Variants in MAP3K14 observed in about 807,000 individuals in gnomAD.
MAP3K14 encodes NF-kappa-beta-inducing kinase.
MAP3K14 carries 16 observed loss-of-function variants against 99.2 expected under a neutral mutation model. The ratio of observed to expected loss-of-function variants is 0.16; its 90% CI spans 0.11 to 0.24. The LOEUF (loss-of-function observed/expected upper bound fraction) is 0.24. Among genes scored for constraint, MAP3K14 ranks in the 10% least tolerant of loss-of-function variants. The probability of loss-of-function intolerance (pLI) is 1.00; values close to 1 mark genes in which losing one functional copy is unlikely to be tolerated. For missense variants in MAP3K14, 784 were observed against 1,208.7 expected, an observed-to-expected ratio of 0.65 and a Z score of 5.21; for synonymous variants, 462 against 492.4, an observed-to-expected ratio of 0.94 and a Z score of 0.82.
At chr17:45,301,038 C>T (rs1370689350) in intron 1 of MAP3K14, among the ~76,000 whole-genome samples, 2 of 151,710 alleles carry the variant, frequency 1.3e-5, no homozygotes, top group African/African-American at 2.4e-5. Flanking sequence ...CATAGTCACA[C>T]GTGTCTGTAG....
At chr17:45,287,428 A>C in intron 3 of MAP3K14, 64 bp from the exon 4 acceptor site, 1 of 1,431,120 alleles carries the variant, frequency 7.0e-7, no homozygotes, top group Non-Finnish European at 9.7e-7. Flanking sequence ...ACTGGTCCAG[A>C]CACTTGTATC....
intron 3 of MAP3K14, among the ~76,000 whole-genome samples, chr17:45,288,000 G>A (rs571368489): frequency 6.6e-6 from 1 of 152,314 alleles, no homozygotes; most frequent in African/African-American, 2.4e-5. Flanking sequence ...ACTGGACTGG[G>A]ATCCCTGCCA....
intron 1 of MAP3K14, among the ~76,000 whole-genome samples, chr17:45,309,163 G>A (rs1465418539): frequency 6.6e-6 from 1 of 152,208 alleles, no homozygotes; most frequent in African/African-American, 2.4e-5. Context: ...TTCTGAAAAT[G>A]CACTTCTTTC....
chr17:45,309,487 T>C (rs1038548859), intron 1 of MAP3K14, among the ~76,000 whole-genome samples: 2 of 152,176 alleles, frequency 1.3e-5, no homozygotes, highest in African/African-American at 4.8e-5. Flanking sequence ...GGTGCCTCAA[T>C]TGTGTTTGGT....
intron 1 of MAP3K14, among the ~76,000 whole-genome samples, chr17:45,292,525 C>A (rs2044318826): frequency 6.6e-6 from 1 of 152,088 alleles, no homozygotes; most frequent in Admixed American, 6.5e-5. Context: ...TGCACCATTG[C>A]ATTCTCCAGC....
chr17:45,273,789 G>T, intron 8 of MAP3K14, 182 bp from the exon 9 acceptor site: 1 of 685,642 alleles, frequency 1.5e-6, no homozygotes. Flanking sequence ...ATTCAGGCTA[G>T]AGGTAGGCAG....
intron 1 of MAP3K14, among the ~76,000 whole-genome samples, chr17:45,309,604 A>G (rs1270289023): frequency 6.6e-6 from 1 of 152,150 alleles, no homozygotes; most frequent in Non-Finnish European, 1.5e-5. Flanking sequence ...AGGCTCTGAG[A>G]GCCTGGCTGG....
intron 13 of MAP3K14, 62 bp from the exon 14 acceptor site, chr17:45,266,743 G>C (rs1312677512): frequency 2.6e-6 from 4 of 1,543,818 alleles, no homozygotes; most frequent in Non-Finnish European, 3.5e-6. Context: ...TCTCCGGCTT[G>C]GGTCTCATTT....
At position 45,267,016 on chromosome 17, in the gene MAP3K14, A is replaced by C; in HGVS notation, c.2433+76T>G. On this transcript the variant is annotated intron_variant, in intron 13 of 15. Coordinates refer to ENST00000344686, the MANE Select transcript of MAP3K14 (RefSeq NM_003954.5). This position sits in a 1 kb window ranked among gnomAD's most constrained non-coding sequence, Gnocchi z 5.1. ...CAGTGTCCATTCACTAGCTGGACGCAAAGCTACTTGCTCTGTGCCAGGGCC... is the reference window on the plus strand; with the variant it reads ...CAGTGTCCATTCACTAGCTGGACGCCAAGCTACTTGCTCTGTGCCAGGGCC... 8.9e-7 allele frequency: 1 copy of C among 1,120,594 alleles called. No homozygotes were observed. The highest frequency in any genetic ancestry group is 1.3e-5 in the South Asian group (1 of 74,690). The allele number at this position is 1,120,594 out of a possible 1,614,324, so 69.4% of individuals were successfully genotyped here. A position where few individuals can be genotyped will look rare whatever the true frequency, so the allele number is the denominator to read the frequency against.
chr17:45,265,113 T>C (rs1291760738), intron 15 of MAP3K14, 50 bp downstream of exon 15: 1 of 1,418,184 alleles, frequency 7.1e-7, no homozygotes. Context: ...TGGGGCCAGC[T>C]GCATTGGCTT....
At chr17:45,301,671 T>C (rs1010166799) in intron 1 of MAP3K14, among the ~76,000 whole-genome samples, 9 of 152,136 alleles carry the variant, frequency 5.9e-5, no homozygotes, top group African/African-American at 2.2e-4. Context: ...CCTATATACA[T>C]GTGTCGGTAT....
rs553162492 is a variant in MAP3K14 at position 45,278,001 on chromosome 17, T to C, written c.1291-3408A>G. Among the ~76,000 whole-genome samples the C allele has an allele frequency of 4.6e-5, 7 of 152,350 alleles. No homozygotes were observed. In the East Asian group the frequency reaches 1.4e-3, roughly 29 times the overall value. ...GAAGGACCCTTTTTCTTTCAACTTATGTCACGCTTTTCAAATGGCTACTAA... is the reference window on the plus strand; with the variant it reads ...GAAGGACCCTTTTTCTTTCAACTTACGTCACGCTTTTCAAATGGCTACTAA... On this transcript the variant is annotated intron_variant, in intron 6 of 15. Coordinates refer to ENST00000344686, the MANE Select transcript of MAP3K14 (RefSeq NM_003954.5).
chr17:45,274,033 C>A, intron 8 of MAP3K14, 90 bp downstream of exon 8: 1 of 1,479,860 alleles, frequency 6.8e-7, no homozygotes, highest in Non-Finnish European at 9.2e-7. Context: ...CTGGGGATGA[C>A]CAGGCTAGCC....
chr17:45,266,799 G>T (rs2044089356), intron 13 of MAP3K14, 118 bp from the exon 14 acceptor site: 4 of 1,179,132 alleles, frequency 3.4e-6, no homozygotes, highest in African/African-American at 1.5e-5. Flanking sequence ...GGAGGGTAAG[G>T]GTTGCCTCCA....
At position 45,265,250 on chromosome 17, in the gene MAP3K14, T is replaced by G. The variant is rs2044067486; in HGVS notation, c.2592A>C (p.Gln864His). Residue 864 changes from glutamine (Q) to histidine (H), a missense_variant, in exon 15 of 16, where the codon CAA becomes CAC. Gln to His is a conservative substitution (Grantham distance 24). Around this residue, in one of 5 missense-constraint regions of MAP3K14, gnomAD observed 130 missense variants for 220.4 expected, o/e 0.59. Coordinates refer to ENST00000344686, the MANE Select transcript of MAP3K14 (RefSeq NM_003954.5). ...TPSYFNGVKV[Q>H]IQSLNGEHLH... The stretch of plus-strand genomic sequence containing the variant: ...GGTGTTCACCATTAAGAGACTGTAT[T>G]TGGACTTTCACACCTAGAAGGCGGA... 1 of 1,613,186 alleles carries G rather than the reference T, an allele frequency of 6.2e-7. No homozygotes were observed. The highest frequency in any genetic ancestry group is 1.3e-5 in the African/African-American group (1 of 74,898).
chr17:45,271,575 A>G (rs2044142947), intron 9 of MAP3K14, among the ~76,000 whole-genome samples: 1 of 152,120 alleles, frequency 6.6e-6, no homozygotes, highest in Admixed American at 6.5e-5. Flanking sequence ...CGAACTCCTG[A>G]CCTCAGGTGA....
chr17:45,300,904 T>C (rs1164684304), intron 1 of MAP3K14, among the ~76,000 whole-genome samples: 3 of 152,148 alleles, frequency 2.0e-5, no homozygotes, highest in African/African-American at 7.2e-5. Context: ...TGGTGGCTTA[T>C]GCCTGTAATA....
intron 1 of MAP3K14, among the ~76,000 whole-genome samples, chr17:45,296,877 A>C (rs1316341114): frequency 6.6e-6 from 1 of 152,192 alleles, no homozygotes; most frequent in Non-Finnish European, 1.5e-5. Flanking sequence ...GAAGCCTTTT[A>C]TGGTAGGCTT....
At chr17:45,314,332 C>T (rs2044511592) in intron 1 of MAP3K14, among the ~76,000 whole-genome samples, 1 of 152,140 alleles carries the variant, frequency 6.6e-6, no homozygotes, top group Non-Finnish European at 1.5e-5. Flanking sequence ...GAATGCCCAC[C>T]CAGCTCTTGC....
Sources: gnomAD v4.1 joint callset for allele counts (sites outside exome capture counted in the v4.1 genomes callset) on GRCh38, gnomAD v4.1.1 for gene constraint, gnomAD v4.1.1 regional missense constraint, Gnocchi (gnomAD v3.1) non-coding constraint, MANE v1.5 for transcripts, NCBI Gene and HGNC (gene_info 2026-07-23, HGNC 2026-07-21) for gene names.